PGBD2: variants seen among roughly 807,000 people sequenced by gnomAD.
The protein encoded by PGBD2 is piggyBac transposable element-derived protein 2.
In PGBD2, 6 loss-of-function variants were observed where a neutral mutation model predicts 8.1. That is an observed-to-expected ratio of 0.74 (90% CI 0.40 to 1.46). PGBD2 has a LOEUF of 1.46. Ranked by LOEUF, PGBD2 falls within the 40% of genes most tolerant of loss-of-function variation. The pLI is 0.02. For missense variants in PGBD2, 802 were observed against 739.0 expected (o/e 1.09, Z -0.99); for synonymous variants, 318 against 272.2 (o/e 1.17, Z -1.66).
At chr1:248,873,842 T>G in the PGBD2 span, among the ~76,000 whole-genome samples, 8 of 152,224 alleles carry the variant, frequency 5.3e-5, no homozygotes, top group African/African-American at 1.9e-4. Context: ...TGAGAAGCGC[T>G]CTGCTTCCGA....
At chr1:248,879,319 C>T in the PGBD2 span, among the ~76,000 whole-genome samples, 4 of 152,104 alleles carry the variant, frequency 2.6e-5, no homozygotes. Context: ...AATTTGGGTA[C>T]ATTTTGTGTG....
chr1:248,903,083 A>C (rs577219582), upstream of PGBD2, among the ~76,000 whole-genome samples: 3 of 150,870 alleles, frequency 2.0e-5, no homozygotes, highest in South Asian at 6.3e-4. Flanking sequence ...GGCTGGTCTC[A>C]AACTTCTGTG....
At chr1:248,899,766 A>T in the PGBD2 span, among the ~76,000 whole-genome samples, 1 of 151,744 alleles carries the variant, frequency 6.6e-6, no homozygotes, top group Non-Finnish European at 1.5e-5. Flanking sequence ...CCCTTAAAAA[A>T]ATCAGCAAAT....
the PGBD2 span, among the ~76,000 whole-genome samples, chr1:248,880,637 T>G: frequency 1.2e-4 from 18 of 152,346 alleles, no homozygotes; most frequent in African/African-American, 4.1e-4. Flanking sequence ...AGTCTTGGGA[T>G]TTTCTAGATA....
intron 2 of PGBD2, 37 bp from the exon 3 acceptor site, chr1:248,916,565 C>T: frequency 6.3e-7 from 1 of 1,578,802 alleles, no homozygotes; most frequent in Non-Finnish European, 8.7e-7. Flanking sequence ...GGCTTTCTGG[C>T]ATGGCCTCTT....
rs1661751276 is a variant in PGBD2 at position 248,908,682 on chromosome 1, G to GT, written c.-48+2341dup. 1.1e-4 allele frequency among the ~76,000 whole-genome samples: 11 copies of GT among 103,304 alleles called. No individual in the cohort carries two copies. In the South Asian group the frequency reaches 3.0e-3, roughly 28 times the overall value. The allele number at this position is 103,304 out of a possible 152,430, so 67.8% of individuals were successfully genotyped here. ...CCCTTCCTTCTGTTATGCTCTTCCT[G>GT]TATTTTTTTTTTTTTTAAACTTCCC... On this transcript the variant is annotated intron_variant, in intron 1 of 2. Coordinates refer to ENST00000329291, the MANE Select transcript of PGBD2 (RefSeq NM_170725.3).
Position 248,918,446 on chromosome 1 carries a change from T to G in PGBD2, c.*83T>G. Reference sequence around the variant, plus strand: ...GCAGTTGAGCACTTCTGTTTTGTGTTGGAAAAAAGACCTGAATTTCTAATG... The same window carrying G: ...GCAGTTGAGCACTTCTGTTTTGTGTGGGAAAAAAGACCTGAATTTCTAATG... On this transcript the variant is annotated 3_prime_UTR_variant, in exon 3 of 3. Coordinates refer to ENST00000329291, the MANE Select transcript of PGBD2 (RefSeq NM_170725.3). 3 of 1,362,146 alleles carry G rather than the reference T, an allele frequency of 2.2e-6. No homozygotes were observed. The highest frequency in any genetic ancestry group is 3.0e-6 in the Non-Finnish European group (3 of 1,010,682). The allele number at this position is 1,362,146 out of a possible 1,614,324, so 84.4% of individuals were successfully genotyped here.
At chr1:248,928,026 A>T in the PGBD2 span, among the ~76,000 whole-genome samples, 1 of 152,122 alleles carries the variant, frequency 6.6e-6, no homozygotes, top group Non-Finnish European at 1.5e-5. Context: ...GTCACAACCC[A>T]GGGTGTTTCG....
chr1:248,910,387 C>T (rs529499303), intron 1 of PGBD2, among the ~76,000 whole-genome samples: 147 of 152,246 alleles, frequency 9.7e-4, no homozygotes, highest in Middle Eastern at 6.8e-3. Flanking sequence ...ACTTGGGAAT[C>T]CAGGCCTGTT....
upstream of PGBD2, among the ~76,000 whole-genome samples, chr1:248,902,735 A>G (rs561411404): frequency 3.9e-5 from 6 of 152,218 alleles, no homozygotes; most frequent in African/African-American, 1.4e-4. Context: ...TCCTCAGCAA[A>G]CTAATGTAGG....
At chr1:248,924,571 A>C (rs1369503481), downstream of PGBD2, among the ~76,000 whole-genome samples, 6 of 152,240 alleles carry the variant, frequency 3.9e-5, no homozygotes, top group Non-Finnish European at 1.5e-5. Context: ...CTCTTTTGTC[A>C]GAATACTCTA....
At chr1:248,873,064 G>A in the PGBD2 span, among the ~76,000 whole-genome samples, 27 of 152,204 alleles carry the variant, frequency 1.8e-4, no homozygotes, top group Admixed American at 6.5e-4. Flanking sequence ...AGCTCACCAA[G>A]TTGGGGCTTT....
At chr1:248,919,675 A>C (rs1175080129), downstream of PGBD2, 1 of 166,576 alleles carries the variant, frequency 6.0e-6, no homozygotes. Context: ...ACTGTTCTCC[A>C]TAGAGGTTGT....
chr1:248,887,420 T>G, the PGBD2 span, among the ~76,000 whole-genome samples: 1 of 152,192 alleles, frequency 6.6e-6, no homozygotes, highest in Non-Finnish European at 1.5e-5. Flanking sequence ...AGTTTGAGTT[T>G]GTTGGCTGTT....
the PGBD2 span, among the ~76,000 whole-genome samples, chr1:248,894,751 C>T: frequency 1.5e-5 from 2 of 133,628 alleles, no homozygotes; most frequent in African/African-American, 2.6e-5. Context: ...TTCCTTCCTT[C>T]CCCTTCCCCT....
chr1:248,916,930 G>A lies in PGBD2; in HGVS notation c.346G>A (p.Asp116Asn). 1.2e-6 allele frequency: 2 copies of A among 1,613,856 alleles called. No individual in the cohort carries two copies. The highest frequency in any genetic ancestry group is 2.2e-5 in the East Asian group (1 of 44,872). ...VKPQRIWTKR[D>N]IRPDFGSWTA... ...ACCTCAGCGCATTTGGACCAAAAGA[G>A]ATATTCGTCCAGACTTTGGCAGTTG... The change falls in exon 3 of 3, where the codon GAT becomes AAT. Residue 116 changes from aspartate (D) to asparagine (N), a missense_variant. Coordinates refer to ENST00000329291, the MANE Select transcript of PGBD2 (RefSeq NM_170725.3).
intron 1 of PGBD2, among the ~76,000 whole-genome samples, chr1:248,907,035 G>A (rs528320194): frequency 9.9e-5 from 15 of 152,076 alleles, no homozygotes; most frequent in South Asian, 2.1e-4. Context: ...CCAGGGGACC[G>A]GCACTCAGCA....
the PGBD2 span, among the ~76,000 whole-genome samples, chr1:248,883,924 G>A: frequency 2.6e-5 from 4 of 152,048 alleles, no homozygotes; most frequent in African/African-American, 7.2e-5. Context: ...GCAGAAGCTC[G>A]TTAGTTTAAT....
chr1:248,917,886 C>T lies in PGBD2; in HGVS notation c.1302C>T (p.Thr434=). The T allele has an allele frequency of 6.2e-7, 1 of 1,614,222 alleles. No individual in the cohort carries two copies. The highest frequency in any genetic ancestry group is 8.5e-7 in the Non-Finnish European group (1 of 1,180,036). ...TGGGCATAGAGCCAGTGAGGCTGAC[C>T]AGTCGTCACTCTGGAGCAGCTAAAA... ...NAVGIEPVRL[T]SRHSGAAKTR... is the part of the protein sequence containing the mutation. Residue 434 remains threonine, a synonymous_variant, in exon 3 of 3, where the codon ACC becomes ACT. Coordinates refer to ENST00000329291, the MANE Select transcript of PGBD2 (RefSeq NM_170725.3).
Sources: gnomAD v4.1 joint callset for allele counts (sites outside exome capture counted in the v4.1 genomes callset) on GRCh38, gnomAD v4.1.1 for gene constraint, MANE v1.5 for transcripts, NCBI Gene and HGNC (gene_info 2026-07-23, HGNC 2026-07-21) for gene names.